ADGRD1: variants seen among roughly 807,000 people sequenced by gnomAD.
ADGRD1 encodes adhesion G protein-coupled receptor D1.
In ADGRD1, 77 loss-of-function variants were observed where a neutral mutation model predicts 113.4. The ratio of observed to expected loss-of-function variants is 0.68; its 90% CI spans 0.57 to 0.82. ADGRD1 has a LOEUF of 0.82. Among genes scored for constraint, ADGRD1 ranks in the 40% least tolerant of loss-of-function variants. The pLI, the probability that ADGRD1 is intolerant of heterozygous loss-of-function variation, is 0.00. For missense variants in ADGRD1, 1,036 were observed against 1,139.1 expected, an observed-to-expected ratio of 0.91 and a Z score of 1.30; for synonymous variants, 474 against 475.0, an observed-to-expected ratio of 1.00 and a Z score of 0.03.
At chr12:131,053,957 A>G (rs1421998197) in intron 13 of ADGRD1, among the ~76,000 whole-genome samples, 2 of 152,182 alleles carry the variant, frequency 1.3e-5, no homozygotes, top group African/African-American at 4.8e-5. Context: ...GAGTGTGAGC[A>G]TCTCTCACCT....
intron 13 of ADGRD1, among the ~76,000 whole-genome samples, chr12:131,049,632 G>A (rs1333520071): frequency 7.2e-5 from 11 of 152,262 alleles, no homozygotes; most frequent in African/African-American, 2.6e-4. Context: ...TGGGATTGCC[G>A]GCCTCCCTGG....
At chr12:131,013,336 G>T (rs781438614) in intron 12 of ADGRD1, among the ~76,000 whole-genome samples, 1 of 152,168 alleles carries the variant, frequency 6.6e-6, no homozygotes. Flanking sequence ...CATTGCTGTT[G>T]CTGGGCTCCA....
chr12:131,088,373 C>A (rs1886646178), intron 15 of ADGRD1, among the ~76,000 whole-genome samples: 1 of 152,222 alleles, frequency 6.6e-6, no homozygotes, highest in Non-Finnish European at 1.5e-5. Flanking sequence ...CGTCCTGCCC[C>A]GTAAGGGCCA....
rs772505883 is a variant in ADGRD1 at position 131,131,832 on chromosome 12, G to C, written c.2267+16G>C. 21 of 1,536,890 alleles carry C rather than the reference G, an allele frequency of 1.4e-5. No individual in the cohort carries two copies. The highest frequency in any genetic ancestry group is 1.6e-5 in the Non-Finnish European group (18 of 1,109,602). On this transcript the variant is annotated intron_variant, in intron 21 of 24. Transcript: ENST00000261654. ...GTGCCTTCAAGTAAGTTGACCTCAGGCTGCCAGCAGTGCCACGGCCCTTCT... is the reference window on the plus strand; with the variant it reads ...GTGCCTTCAAGTAAGTTGACCTCAGCCTGCCAGCAGTGCCACGGCCCTTCT...
rs1871000716 is a variant in ADGRD1, at chr12:130,966,449, C to CT, written c.104-8dup. 2.5e-6 allele frequency: 4 copies of CT among 1,574,574 alleles called. No individual in the cohort carries two copies. The highest frequency in any genetic ancestry group is 1.3e-5 in the African/African-American group (1 of 74,158). On this transcript the variant is annotated splice_polypyrimidine_tract_variant and intron_variant, in intron 2 of 24. Transcript: ENST00000261654. The surrounding 1 kb of genome is among the most constrained non-coding windows in gnomAD (Gnocchi z 4.6). The stretch of plus-strand genomic sequence containing the variant: ...CTAATGATGATTTAAAATTTTTATT[C>CT]TTTTTTCCCCAAGGATTTCAGGTGT...
At chr12:131,122,859 G>A (rs1267398664) in intron 20 of ADGRD1, among the ~76,000 whole-genome samples, 1 of 152,016 alleles carries the variant, frequency 6.6e-6, no homozygotes, top group African/African-American at 2.4e-5. Flanking sequence ...GCGTGGGGCC[G>A]AGCGCCAGGA....
intron 13 of ADGRD1, among the ~76,000 whole-genome samples, chr12:131,040,671 G>A (rs1217172109): frequency 5.9e-5 from 9 of 152,290 alleles, no homozygotes; most frequent in South Asian, 2.1e-4. Flanking sequence ...TAAACCACCC[G>A]CCCTCCAGAG....
At position 130,971,680 on chromosome 12, in the gene ADGRD1, A is replaced by C; in HGVS notation, c.310+100A>C. On this transcript the variant is annotated intron_variant, in intron 4 of 24. Coordinates refer to ENST00000261654, the MANE Select transcript of ADGRD1 (RefSeq NM_198827.5). This position sits in a 1 kb window ranked among gnomAD's most constrained non-coding sequence, Gnocchi z 4.2. Reference sequence around the variant, plus strand: ...AAGATGTGAACCTGAGGTTCTCATCAATTGCAGAATGCGTGAGAATGTCAA... The same window carrying C: ...AAGATGTGAACCTGAGGTTCTCATCCATTGCAGAATGCGTGAGAATGTCAA... The C allele has an allele frequency of 7.8e-7, 1 of 1,281,668 alleles. No homozygotes were observed. Among genetic ancestry groups the C allele is most frequent in the Non-Finnish European group, 1.1e-6 (1 of 929,286 alleles). 79.4% of individuals were successfully genotyped at this position (1,281,668 alleles called of 1,614,324 possible). A position where few individuals can be genotyped will look rare whatever the true frequency, so the allele number is the denominator to read the frequency against.
chr12:131,019,589 A>G (rs1338084079), intron 13 of ADGRD1, among the ~76,000 whole-genome samples: 1 of 152,176 alleles, frequency 6.6e-6, no homozygotes, highest in South Asian at 2.1e-4. Flanking sequence ...CAGAATTAGA[A>G]TAAGCACCAA....
At chr12:131,016,064 T>A (rs1878533026) in intron 13 of ADGRD1, among the ~76,000 whole-genome samples, 1 of 152,226 alleles carries the variant, frequency 6.6e-6, no homozygotes, top group Non-Finnish European at 1.5e-5. Flanking sequence ...CTGTGCCTGG[T>A]GGGCCTGTCT....
chr12:130,968,755 T>A, intron 3 of ADGRD1: 1 of 545,822 alleles, frequency 1.8e-6, no homozygotes, highest in Non-Finnish European at 3.2e-6. Context: ...CATCACGCCC[T>A]GGTGTGGGAA....
At chr12:130,988,121 A>ACAACC (rs1566004491) in intron 6 of ADGRD1, 3 of 149,978 alleles carry the variant, frequency 2.0e-5, no homozygotes, top group Non-Finnish European at 4.5e-5. Context: ...AATCTCTCAG[A>ACAACC]TTTTTTTTTT....
In ADGRD1 at chr12:130,954,536, T is replaced by C; in HGVS notation, c.66+5T>C. 1 of 1,611,346 alleles carries C rather than the reference T, an allele frequency of 6.2e-7. No individual in the cohort carries two copies. Among genetic ancestry groups the C allele is most frequent in the Non-Finnish European group, 8.5e-7 (1 of 1,178,398 alleles). ...CTATTTTATTACAACTTTCAGGTAA[T>C]GTCCCCAAGTGGCCAGGATGGCGAC... On this transcript the variant is annotated splice_donor_5th_base_variant and intron_variant, in intron 1 of 24. Coordinates refer to ENST00000261654, the MANE Select transcript of ADGRD1 (RefSeq NM_198827.5). This position sits in a 1 kb window ranked among gnomAD's most constrained non-coding sequence, Gnocchi z 4.7.
chr12:131,053,667 A>G (rs1883601510), intron 13 of ADGRD1, among the ~76,000 whole-genome samples: 1 of 152,216 alleles, frequency 6.6e-6, no homozygotes, highest in Admixed American at 6.5e-5. Flanking sequence ...AAACCCAAAG[A>G]CAAACATCCA....
chr12:130,954,394 G>C lies in ADGRD1; in HGVS notation c.-72G>C, dbSNP rs1417940643. 7.6e-7 allele frequency: 1 copy of C among 1,319,190 alleles called. No homozygotes were observed. The highest frequency in any genetic ancestry group is 1.0e-6 in the Non-Finnish European group (1 of 959,234). The allele number at this position is 1,319,190 out of a possible 1,614,324, so 81.7% of individuals were successfully genotyped here. On this transcript the variant is annotated 5_prime_UTR_variant, in exon 1 of 25. Coordinates refer to ENST00000261654, the MANE Select transcript of ADGRD1 (RefSeq NM_198827.5). This position sits in a 1 kb window ranked among gnomAD's most constrained non-coding sequence, Gnocchi z 4.7. ...AATGTCCCTTTTCCAAGGAAGTGAA[G>C]GTTAAGAGGTCCCGTTCTCACAGAC...
intron 15 of ADGRD1, among the ~76,000 whole-genome samples, chr12:131,099,040 G>A (rs78721353): frequency 0.016 from 2,382 of 152,320 alleles, 55 homozygotes; most frequent in African/African-American, 0.051. Context: ...CAGGTGCCTC[G>A]TTTCTGTCAT....
In ADGRD1 at chr12:130,979,872, C is replaced by T. The variant is rs562123174; in HGVS notation, c.311-2012C>T. On this transcript the variant is annotated intron_variant, in intron 4 of 24. Transcript: ENST00000261654. ...ACACACACACACACACTGGAGTTTA[C>T]ACACAAAGAAGGGCCAGGTGGGCAG... Among the ~76,000 whole-genome samples the T allele has an allele frequency of 5.3e-5, 8 of 150,862 alleles. No individual in the cohort carries two copies. The South Asian group carries it at 8.4e-4, about 16-fold the overall frequency.
intron 8 of ADGRD1, among the ~76,000 whole-genome samples, chr12:130,995,985 G>GCATTGA (rs1400502487): frequency 7.9e-5 from 12 of 151,870 alleles, no homozygotes; most frequent in Non-Finnish European, 2.9e-5. Flanking sequence ...GACTCTTAAC[G>GCATTGA]AGCATGCTGC....
intron 5 of ADGRD1, 27 bp from the exon 6 acceptor site, chr12:130,987,068 A>G (rs773751993): frequency 1.2e-6 from 2 of 1,610,048 alleles, no homozygotes; most frequent in East Asian, 4.5e-5. Context: ...CACAGTACTC[A>G]GAATGGCGAT....
Sources: allele counts gnomAD v4.1 joint callset (sites outside exome capture counted in the v4.1 genomes callset), GRCh38; gene constraint gnomAD v4.1.1; non-coding constraint Gnocchi (gnomAD v3.1); transcripts MANE v1.5; gene names NCBI Gene and HGNC (gene_info 2026-07-23, HGNC 2026-07-21).